Variants in HAS3 observed in about 807,000 individuals in gnomAD.
The protein encoded by HAS3 is HA synthase 3.
HAS3 carries 27 observed loss-of-function variants against 50.3 expected under a neutral mutation model. The ratio of observed to expected loss-of-function variants is 0.54; its 90% CI spans 0.40 to 0.74. HAS3 has a LOEUF of 0.74. Among genes scored for constraint, HAS3 ranks in the 30% least tolerant of loss-of-function variants. The probability of loss-of-function intolerance (pLI) is 0.00; values close to 1 mark genes in which losing one functional copy is unlikely to be tolerated. For synonymous variants in HAS3, 339 were observed against 310.9 expected (o/e 1.09, Z -0.95); for missense variants, 517 against 742.8 (o/e 0.70, Z 3.53).
In HAS3 at chr16:69,117,043, G is replaced by C; in HGVS notation, c.*1777G>C. ...TAGCTAACAGTTGCCACATCACACA[G>C]ACCTCGAGTTTCTGGTAAGACTGCT... On this transcript the variant is annotated 3_prime_UTR_variant, in exon 4 of 4. Coordinates refer to ENST00000569188, the MANE Select transcript of HAS3 (RefSeq NM_001199280.2). 3 of 985,552 alleles carry C rather than the reference G, an allele frequency of 3.0e-6. No individual in the cohort carries two copies. The highest frequency in any genetic ancestry group is 9.4e-5 in the South Asian group (2 of 21,288). The allele number at this position is 985,552 out of a possible 1,614,324, so 61.1% of individuals were successfully genotyped here.
At chr16:69,110,972 G>A (rs1278885232) in intron 2 of HAS3, among the ~76,000 whole-genome samples, 1 of 152,076 alleles carries the variant, frequency 6.6e-6, no homozygotes, top group Non-Finnish European at 1.5e-5. Context: ...GCATCGGCAG[G>A]GGCGGGACCC....
rs1961101756 is a variant in HAS3 at position 69,114,159 on chromosome 16, C to G, written c.739-184C>G. Reference sequence around the variant, plus strand: ...ACACAGTAGGGAGGTAGAGCTGGTGCTGGGGACAGGGATTGTGTGTGGTTG... The same window carrying G: ...ACACAGTAGGGAGGTAGAGCTGGTGGTGGGGACAGGGATTGTGTGTGGTTG... On this transcript the variant is annotated intron_variant, in intron 3 of 3. Transcript: ENST00000569188. This position sits in a 1 kb window ranked among gnomAD's most constrained non-coding sequence, Gnocchi z 6.4. Among the ~76,000 whole-genome samples the G allele has an allele frequency of 6.6e-6, 1 of 152,156 alleles. No individual in the cohort carries two copies. Among genetic ancestry groups the G allele is most frequent in the African/African-American group, 2.4e-5 (1 of 41,452 alleles).
At chr16:69,110,113 C>G in intron 2 of HAS3, 82 bp downstream of exon 2, 1 of 1,378,086 alleles carries the variant, frequency 7.3e-7, no homozygotes, top group Non-Finnish European at 1.0e-6. Context: ...AATCTGAGGT[C>G]TGGTCTAGGT....
chr16:69,104,812 T>G (rs1379805956), upstream of HAS3, among the ~76,000 whole-genome samples: 2 of 151,560 alleles, frequency 1.3e-5, no homozygotes, highest in African/African-American at 4.8e-5. Flanking sequence ...GGGACTGAGG[T>G]GTGAGGTCTG....
upstream of HAS3, among the ~76,000 whole-genome samples, chr16:69,104,477 T>C (rs1180506327): frequency 6.6e-6 from 1 of 152,012 alleles, no homozygotes; most frequent in African/African-American, 2.4e-5. Context: ...TTGTATTTTT[T>C]AGTAGAGATA....
At position 69,107,901 on chromosome 16, in the gene HAS3, G is replaced by C. The variant is rs1459678651; in HGVS notation, c.1-1495G>C. On this transcript the variant is annotated intron_variant, in intron 1 of 3. Transcript: ENST00000569188. The surrounding 1 kb of genome is among the most constrained non-coding windows in gnomAD (Gnocchi z 5.5). The stretch of plus-strand genomic sequence containing the variant: ...GGCTAGGCTGCCAGCAGCTCTTTTC[G>C]GGCCAACGCTGCTGGAAGGCTGCTA... Among the ~76,000 whole-genome samples, 2 of 152,232 alleles carry C rather than the reference G, an allele frequency of 1.3e-5. No individual in the cohort carries two copies. The highest frequency in any genetic ancestry group is 4.8e-5 in the African/African-American group (2 of 41,470).
At chr16:69,098,110 G>A in the HAS3 span, among the ~76,000 whole-genome samples, 1 of 152,132 alleles carries the variant, frequency 6.6e-6, no homozygotes, top group Non-Finnish European at 1.5e-5. Flanking sequence ...CCTGCCAGGC[G>A]CGGTGGCTCA....
At chr16:69,097,624 G>A in the HAS3 span, among the ~76,000 whole-genome samples, 1 of 152,072 alleles carries the variant, frequency 6.6e-6, no homozygotes, top group Admixed American at 6.6e-5. Flanking sequence ...GCACAGGAGA[G>A]AACCTCTCCC....
chr16:69,118,278 CCAGT>C (rs1284684739), downstream of HAS3: 5 of 915,596 alleles, frequency 5.5e-6, no homozygotes, highest in Non-Finnish European at 7.2e-6. Context: ...AGCTGCAGGC[CCAGT>C]CAGTCAAGCA....
At chr16:69,118,408 CAG>C, downstream of HAS3, 1 of 1,613,644 alleles carries the variant, frequency 6.2e-7, no homozygotes, top group Non-Finnish European at 8.5e-7. Flanking sequence ...CTGCCCAGGT[CAG>C]AGCTACGGAA....
rs1436186426 is a variant in HAS3, at chr16:69,117,115, T to C, written c.*1849T>C. On this transcript the variant is annotated 3_prime_UTR_variant, in exon 4 of 4. Coordinates refer to ENST00000569188, the MANE Select transcript of HAS3 (RefSeq NM_001199280.2). ...ATGAAGGCTGGAAGGCAGCAGGCAT[T>C]TGCTAAGGCAGCTGATCCAGGCAAT... is the stretch of plus-strand genomic sequence containing the variant. The C allele has an allele frequency of 1.0e-6, 1 of 985,688 alleles. No homozygotes were observed. The highest frequency in any genetic ancestry group is 6.2e-5 in the Admixed American group (1 of 16,258). 61.1% of individuals were successfully genotyped at this position (985,688 alleles called of 1,614,324 possible). A position where few individuals can be genotyped will look rare whatever the true frequency, so the allele number is the denominator to read the frequency against.
the HAS3 span, chr16:69,083,732 G>T: frequency 6.7e-7 from 1 of 1,490,642 alleles, no homozygotes. Context: ...TCTTCCAGCA[G>T]GTGGCCCTGC....
the HAS3 span, among the ~76,000 whole-genome samples, chr16:69,087,555 CTT>C: frequency 1.3e-5 from 2 of 149,080 alleles, no homozygotes; most frequent in African/African-American, 2.5e-5. Context: ...TTTGTTGTTG[CTT>C]TTTTTTTTCT....
In HAS3 at chr16:69,107,590, A is replaced by G. The variant is rs960750261; in HGVS notation, c.-1+1803A>G. The G allele has an allele frequency of 3.0e-6, 3 of 985,264 alleles. No individual in the cohort carries two copies. The highest frequency in any genetic ancestry group is 3.5e-5 in the African/African-American group (2 of 57,194). 61.0% of individuals were successfully genotyped at this position (985,264 alleles called of 1,614,324 possible). A position where few individuals can be genotyped will look rare whatever the true frequency, so the allele number is the denominator to read the frequency against. On this transcript the variant is annotated intron_variant, in intron 1 of 3. Coordinates refer to ENST00000569188, the MANE Select transcript of HAS3 (RefSeq NM_001199280.2). The surrounding 1 kb of genome is among the most constrained non-coding windows in gnomAD (Gnocchi z 5.5). Reference sequence around the variant, plus strand: ...TGGTGGGCGCCGCCTCCGGCACTGCACCGAGGCGGGGCGCCAGCGCCCAGG... The same window carrying G: ...TGGTGGGCGCCGCCTCCGGCACTGCGCCGAGGCGGGGCGCCAGCGCCCAGG...
In HAS3 at chr16:69,114,641, A is replaced by T; in HGVS notation, c.1037A>T (p.Lys346Met). ...AAGTGCCTCACAGAGACCCCCACTA[A>T]GTACCTCCGGTGGCTCAACCAGCAA... ...RSKCLTETPT[K>M]YLRWLNQQTR... Residue 346 changes from lysine (K) to methionine (M), a missense_variant, in exon 4 of 4, where the codon AAG (lysine) becomes ATG (methionine). Transcript: ENST00000569188. The surrounding 1 kb of genome is among the most constrained non-coding windows in gnomAD (Gnocchi z 6.4). 6.2e-7 allele frequency: 1 copy of T among 1,614,084 alleles called. No homozygotes were observed. The highest frequency in any genetic ancestry group is 8.5e-7 in the Non-Finnish European group (1 of 1,180,016).
the HAS3 span, among the ~76,000 whole-genome samples, chr16:69,087,576 T>C: frequency 6.6e-6 from 1 of 152,056 alleles, no homozygotes; most frequent in Non-Finnish European, 1.5e-5. Context: ...CTTTTTGTAT[T>C]TTTAGTAGAG....
chr16:69,115,858 C>G lies in HAS3; in HGVS notation c.*592C>G. On this transcript the variant is annotated 3_prime_UTR_variant, in exon 4 of 4. Transcript: ENST00000569188. ...TTATGTGAGATACCCCACTCCACAT[C>G]AACATTCCAGGGATGAGCCAAACCA... The G allele has an allele frequency of 2.0e-6, 2 of 985,850 alleles. No individual in the cohort carries two copies. Among genetic ancestry groups the G allele is most frequent in the South Asian group, 9.4e-5 (2 of 21,282 alleles). 61.1% of individuals were successfully genotyped at this position (985,850 alleles called of 1,614,324 possible).
chr16:69,090,418 CT>C, the HAS3 span, among the ~76,000 whole-genome samples: 11 of 151,456 alleles, frequency 7.3e-5, no homozygotes, highest in African/African-American at 2.7e-4. Flanking sequence ...GCACTTGGCA[CT>C]TTTTTTTTGG....
In HAS3 at chr16:69,107,668, G is replaced by A; in HGVS notation, c.1-1728G>A. 1.0e-6 allele frequency: 1 copy of A among 985,462 alleles called. No homozygotes were observed. The highest frequency in any genetic ancestry group is 4.7e-5 in the South Asian group (1 of 21,282). 61.0% of individuals were successfully genotyped at this position (985,462 alleles called of 1,614,324 possible). A position where few individuals can be genotyped will look rare whatever the true frequency, so the allele number is the denominator to read the frequency against. On this transcript the variant is annotated intron_variant, in intron 1 of 3. Transcript: ENST00000569188. This position sits in a 1 kb window ranked among gnomAD's most constrained non-coding sequence, Gnocchi z 5.5. ...CCCCTACCCAGAGCGCAGGCAGGCAGGGGGGTCCCGCCGCGCCCCTTCAGC... is the reference window on the plus strand; with the variant it reads ...CCCCTACCCAGAGCGCAGGCAGGCAAGGGGGTCCCGCCGCGCCCCTTCAGC...
Sources: gnomAD v4.1 joint callset for allele counts (sites outside exome capture counted in the v4.1 genomes callset) on GRCh38, gnomAD v4.1.1 for gene constraint, Gnocchi (gnomAD v3.1) non-coding constraint, MANE v1.5 for transcripts, NCBI Gene and HGNC (gene_info 2026-07-23, HGNC 2026-07-21) for gene names.